The following RGS6 variants were observed in gnomAD, a reference collection of about 807,000 sequenced individuals.
RGS6 encodes regulator of G protein signaling 6, also known as regulator of G-protein signaling 6.
In RGS6, 30 loss-of-function variants were observed where a neutral mutation model predicts 78.5. That is an observed-to-expected ratio of 0.38 (90% confidence interval 0.29 to 0.52). The LOEUF is 0.52. RGS6 is among the 20% of genes least tolerant of loss of function. The pLI is 0.85. For synonymous variants in RGS6, 206 were observed against 206.0 expected (o/e 1.00, Z 0.00); for missense variants, 495 against 609.7 (o/e 0.81, Z 1.98).
At chr14:71,889,805 C>T in the RGS6 span, among the ~76,000 whole-genome samples, 1 of 152,178 alleles carries the variant, frequency 6.6e-6, no homozygotes, top group African/African-American at 2.4e-5. Context: ...GCAGGCGTCT[C>T]ACGAATGGTT....
At chr14:72,499,581 T>C (rs911995038) in intron 13 of RGS6, among the ~76,000 whole-genome samples, 1 of 152,246 alleles carries the variant, frequency 6.6e-6, no homozygotes, top group Admixed American at 6.5e-5. Flanking sequence ...CGTGCCTTCC[T>C]GAAATTTCTC....
chr14:72,077,326 G>C (rs956450460), intron 2 of RGS6, among the ~76,000 whole-genome samples: 1 of 152,054 alleles, frequency 6.6e-6, no homozygotes, highest in Non-Finnish European at 1.5e-5. Flanking sequence ...TAAAAAGGAT[G>C]TTAATTTTTG....
At chr14:72,361,014 C>T (rs2081339852) in intron 3 of RGS6, among the ~76,000 whole-genome samples, 1 of 151,684 alleles carries the variant, frequency 6.6e-6, no homozygotes, top group Admixed American at 6.6e-5. Flanking sequence ...TGCGTGCTTC[C>T]CTTTTCGCCA....
the RGS6 span, among the ~76,000 whole-genome samples, chr14:72,598,116 C>T: frequency 1.3e-5 from 2 of 152,252 alleles, no homozygotes; most frequent in African/African-American, 4.8e-5. Context: ...TCTTCTTTTG[C>T]CCCTCAGGGG....
intron 2 of RGS6, among the ~76,000 whole-genome samples, chr14:72,198,038 A>G (rs1178347808): frequency 6.6e-6 from 1 of 152,118 alleles, no homozygotes; most frequent in Non-Finnish European, 1.5e-5. Flanking sequence ...TCTCCATAAG[A>G]ATAAGTACTT....
chr14:72,471,067 T>C (rs2096065636), intron 8 of RGS6, among the ~76,000 whole-genome samples: 2 of 152,150 alleles, frequency 1.3e-5, no homozygotes, highest in Non-Finnish European at 2.9e-5. Flanking sequence ...GCAGCTATCC[T>C]GAGCACAGGC....
chr14:72,360,365 C>CA (rs35833308), intron 3 of RGS6, among the ~76,000 whole-genome samples: 16 of 151,316 alleles, frequency 1.1e-4, no homozygotes, highest in Non-Finnish European at 1.8e-4. Flanking sequence ...ACTAAAAATA[C>CA]AAAAAAATTA....
At chr14:72,422,992 G>T (rs1398753648) in intron 3 of RGS6, among the ~76,000 whole-genome samples, 2 of 152,178 alleles carry the variant, frequency 1.3e-5, no homozygotes, top group Non-Finnish European at 2.9e-5. Flanking sequence ...AACTGGGAGA[G>T]AATAAATTTC....
chr14:72,168,835 A>G (rs2153678267), intron 2 of RGS6, among the ~76,000 whole-genome samples: 1 of 152,286 alleles, frequency 6.6e-6, no homozygotes, highest in Admixed American at 6.5e-5. Flanking sequence ...TAAAGCGTGG[A>G]GTCCCAGGCA....
intron 2 of RGS6, among the ~76,000 whole-genome samples, chr14:72,302,698 A>G (rs2066358035): frequency 6.6e-6 from 1 of 152,032 alleles, no homozygotes; most frequent in South Asian, 2.1e-4. Flanking sequence ...ACACACACAC[A>G]CACACACGGA....
chr14:71,944,935 G>A (rs1035886382), intron 1 of RGS6, among the ~76,000 whole-genome samples: 1 of 152,154 alleles, frequency 6.6e-6, no homozygotes. Context: ...AATACTGTAG[G>A]CAATTGTAGC....
At chr14:72,154,371 A>C (rs2096739901) in intron 2 of RGS6, among the ~76,000 whole-genome samples, 1 of 152,212 alleles carries the variant, frequency 6.6e-6, no homozygotes, top group African/African-American at 2.4e-5. Context: ...TTATGAAGAT[A>C]ACGGTATTAA....
At chr14:72,225,709 G>A (rs1317829592) in intron 2 of RGS6, among the ~76,000 whole-genome samples, 2 of 152,036 alleles carry the variant, frequency 1.3e-5, no homozygotes, top group East Asian at 1.9e-4. Context: ...TAATAATATA[G>A]CATGTATTCC....
chr14:72,440,699 C>T (rs945033449), intron 3 of RGS6, among the ~76,000 whole-genome samples: 1 of 152,114 alleles, frequency 6.6e-6, no homozygotes, highest in African/African-American at 2.4e-5. Flanking sequence ...AAACGTGAAC[C>T]ACCGCGCCTG....
chr14:72,438,462 C>T (rs934014322), intron 3 of RGS6, among the ~76,000 whole-genome samples: 2 of 152,178 alleles, frequency 1.3e-5, no homozygotes, highest in Non-Finnish European at 2.9e-5. Flanking sequence ...AGACCTCAGG[C>T]GAAACATGGC....
At chr14:72,594,494 G>C in the RGS6 span, 1 of 152,096 alleles carries the variant, frequency 6.6e-6, no homozygotes, top group Non-Finnish European at 1.5e-5. Context: ...ATTTAACCTA[G>C]AGAGCACCAA....
the RGS6 span, among the ~76,000 whole-genome samples, chr14:71,891,313 G>A: frequency 1.1e-4 from 17 of 152,148 alleles, no homozygotes; most frequent in Non-Finnish European, 1.5e-4. Context: ...AGGTGTCTGC[G>A]GGAGCTACGG....
chr14:72,600,854 T>G, the RGS6 span, among the ~76,000 whole-genome samples: 1 of 149,814 alleles, frequency 6.7e-6, no homozygotes, highest in Non-Finnish European at 1.5e-5. Context: ...ACCACCAGCA[T>G]AGGGTCCCTA....
chr14:72,032,911 A>G (rs11849072), intron 2 of RGS6, among the ~76,000 whole-genome samples: 7,490 of 152,272 alleles, frequency 0.049, 267 homozygotes, highest in African/African-American at 0.097. Context: ...ATGCTGTAAT[A>G]TACATGGTGT....
Sources: gnomAD v4.1 joint callset for allele counts (sites outside exome capture counted in the v4.1 genomes callset) on GRCh38, gnomAD v4.1.1 for gene constraint, MANE v1.5 for transcripts, NCBI Gene and HGNC (gene_info 2026-07-23, HGNC 2026-07-21) for gene names.